The following ACOT13 variants were observed in gnomAD, a reference collection of about 807,000 sequenced individuals.
ACOT13 encodes acyl-coenzyme A thioesterase 13.
A neutral mutation model predicts 11.8 loss-of-function variants in ACOT13; 10 were observed. That is an observed-to-expected ratio of 0.85 (90% confidence interval 0.53 to 1.44). The LOEUF (loss-of-function observed/expected upper bound fraction) is 1.44, where lower values mean the gene tolerates loss of function less well. Ranked by LOEUF, ACOT13 falls within the 40% of genes most tolerant of loss-of-function variation. ACOT13 has a pLI of 0.00. For missense variants in ACOT13, 172 were observed against 174.1 expected (o/e 0.99, Z 0.07); for synonymous variants, 53 against 61.0 (o/e 0.87, Z 0.61).
At chr6:24,674,458 G>C (rs1433352333) in intron 1 of ACOT13, among the ~76,000 whole-genome samples, 1 of 152,154 alleles carries the variant, frequency 6.6e-6, no homozygotes, top group Non-Finnish European at 1.5e-5. Flanking sequence ...ACCCAGGCTG[G>C]AGTGCAGTTG....
intron 1 of ACOT13, among the ~76,000 whole-genome samples, chr6:24,690,071 G>A (rs1444830156): frequency 6.6e-6 from 1 of 152,138 alleles, no homozygotes. Flanking sequence ...CATCCTAGGA[G>A]TTCCAGGACT....
intron 1 of ACOT13, among the ~76,000 whole-genome samples, chr6:24,685,945 C>T (rs1202866513): frequency 6.6e-6 from 1 of 151,850 alleles, no homozygotes; most frequent in Non-Finnish European, 1.5e-5. Context: ...GTAATCCCAG[C>T]ACTTTGGGAG....
intron 1 of ACOT13, among the ~76,000 whole-genome samples, chr6:24,685,006 G>A (rs1778606485): frequency 6.6e-6 from 1 of 152,130 alleles, no homozygotes; most frequent in African/African-American, 2.4e-5. Flanking sequence ...GTGAGACCCT[G>A]TCTCTAAAAA....
At position 24,701,428 on chromosome 6, in the gene ACOT13, C is replaced by T. The variant is rs200529233; in HGVS notation, c.267-31C>T. 167 of 1,569,856 alleles carry T rather than the reference C, an allele frequency of 1.1e-4. 1 individual carries two copies. Among genetic ancestry groups the T allele is most frequent in the Admixed American group, 4.1e-4 (22 of 54,250 alleles). On this transcript the variant is annotated intron_variant, in intron 2 of 2. Transcript: ENST00000230048. ...CACAACTTTCCCTTTGAAAAATTATCTGCTGTTAACTATATTCATTTTCTT... is the reference window on the plus strand; with the variant it reads ...CACAACTTTCCCTTTGAAAAATTATTTGCTGTTAACTATATTCATTTTCTT...
chr6:24,678,630 G>A (rs184026645), intron 1 of ACOT13, among the ~76,000 whole-genome samples: 1 of 152,250 alleles, frequency 6.6e-6, no homozygotes, highest in Non-Finnish European at 1.5e-5. Context: ...CTCAAGCAGG[G>A]GAAAACAAAC....
intron 1 of ACOT13, among the ~76,000 whole-genome samples, chr6:24,680,296 T>C (rs1778526903): frequency 6.6e-6 from 1 of 152,166 alleles, no homozygotes; most frequent in Non-Finnish European, 1.5e-5. Context: ...GAGGATATCA[T>C]GGCCAGGCAG....
In ACOT13 at chr6:24,685,332, C is replaced by CTT. The variant is rs563020332; in HGVS notation, c.82-12520_82-12519dup. Among the ~76,000 whole-genome samples, 172 of 116,722 alleles carry CTT rather than the reference C, an allele frequency of 1.5e-3. 14 individuals are homozygous for CTT. Among genetic ancestry groups the CTT allele is most frequent in the Non-Finnish European group, 2.1e-3 (115 of 55,500 alleles). The allele number at this position is 116,722 out of a possible 152,430, so 76.6% of individuals were successfully genotyped here. A position where few individuals can be genotyped will look rare whatever the true frequency, so the allele number is the denominator to read the frequency against. On this transcript the variant is annotated intron_variant, in intron 1 of 2. Coordinates refer to ENST00000230048, the MANE Select transcript of ACOT13 (RefSeq NM_018473.4). The stretch of plus-strand genomic sequence containing the variant: ...ACATGGTCTCTTTCCTTTTACTGTA[C>CTT]TTTTTTTTTTTTTTTTTTTTTTTTT...
At chr6:24,676,915 T>C (rs1264626582) in intron 1 of ACOT13, among the ~76,000 whole-genome samples, 2 of 152,216 alleles carry the variant, frequency 1.3e-5, no homozygotes, top group Non-Finnish European at 2.9e-5. Flanking sequence ...CCTCTCTCCA[T>C]ATTGCTGCAT....
intron 1 of ACOT13, among the ~76,000 whole-genome samples, chr6:24,685,517 T>C (rs1346305945): frequency 1.3e-5 from 2 of 151,646 alleles, no homozygotes; most frequent in Non-Finnish European, 2.9e-5. Flanking sequence ...CGGCTAATTT[T>C]TTGTATTTTT....
intron 1 of ACOT13, among the ~76,000 whole-genome samples, chr6:24,684,422 G>T (rs1033018265): frequency 6.6e-6 from 1 of 152,172 alleles, no homozygotes; most frequent in Non-Finnish European, 1.5e-5. Context: ...GGGTTGGATT[G>T]CCTTTGAGTA....
chr6:24,686,537 T>TTTTTC (rs540312517), intron 1 of ACOT13, among the ~76,000 whole-genome samples: 1 of 146,212 alleles, frequency 6.8e-6, no homozygotes, highest in Admixed American at 6.7e-5. Flanking sequence ...CACACTCTTT[T>TTTTTC]TTTTCTTTTC....
rs182610339 is a variant in ACOT13, at chr6:24,689,318, G to A, written c.82-8565G>A. Among the ~76,000 whole-genome samples, 90 of 152,238 alleles carry A rather than the reference G, an allele frequency of 5.9e-4. 1 individual carries two copies. The highest frequency in any genetic ancestry group is 2.0e-3 in the African/African-American group (82 of 41,540). ...GATAAATTGTAGTATATTCATAGTA[G>A]GGAATACCACACAGCTATTGAAAGA... On this transcript the variant is annotated intron_variant, in intron 1 of 2. Coordinates refer to ENST00000230048, the MANE Select transcript of ACOT13 (RefSeq NM_018473.4).
intron 1 of ACOT13, among the ~76,000 whole-genome samples, chr6:24,672,657 C>G (rs1778382895): frequency 6.6e-6 from 1 of 151,952 alleles, no homozygotes; most frequent in South Asian, 2.1e-4. Context: ...GAAAAGAAAA[C>G]AAAAGATATA....
chr6:24,698,369 T>G (rs1242374496), intron 2 of ACOT13, among the ~76,000 whole-genome samples: 1 of 152,180 alleles, frequency 6.6e-6, no homozygotes, highest in African/African-American at 2.4e-5. Flanking sequence ...TGATGGCTCA[T>G]AACTGTTTCA....
intron 1 of ACOT13, among the ~76,000 whole-genome samples, chr6:24,689,008 T>C (rs2127626048): frequency 6.6e-6 from 1 of 152,288 alleles, no homozygotes; most frequent in South Asian, 2.1e-4. Context: ...GTCTGGCTAA[T>C]GCAAATTAAA....
intron 2 of ACOT13, among the ~76,000 whole-genome samples, chr6:24,698,874 G>C (rs1348651537): frequency 6.6e-6 from 1 of 152,098 alleles, no homozygotes; most frequent in Non-Finnish European, 1.5e-5. Flanking sequence ...CTGACCTCCA[G>C]TGTCCACCCA....
Position 24,682,870 on chromosome 6 carries a change from G to A in ACOT13, c.82-15013G>A, listed in dbSNP as rs377149667. On this transcript the variant is annotated intron_variant, in intron 1 of 2. Transcript: ENST00000230048. ...GAGGGTTGCTGTTGCCAGCTTGAACGCCTGGGTTTGTATCCCGATCCTTGT... is the reference window on the plus strand; with the variant it reads ...GAGGGTTGCTGTTGCCAGCTTGAACACCTGGGTTTGTATCCCGATCCTTGT... Among the ~76,000 whole-genome samples the A allele has an allele frequency of 4.5e-4, 69 of 152,334 alleles. No individual in the cohort carries two copies. The South Asian group carries it at 0.013, about 29-fold the overall frequency.
At chr6:24,669,920 C>T (rs1394088304) in intron 1 of ACOT13, among the ~76,000 whole-genome samples, 1 of 151,192 alleles carries the variant, frequency 6.6e-6, no homozygotes, top group Non-Finnish European at 1.5e-5. Flanking sequence ...TACAAAAGCA[C>T]AGCTGTTTTC....
chr6:24,700,582 C>T (rs1221927788), intron 2 of ACOT13, among the ~76,000 whole-genome samples: 1 of 151,956 alleles, frequency 6.6e-6, no homozygotes, highest in East Asian at 1.9e-4. Context: ...ATTACAGGTG[C>T]CCACCACCAT....
Sources: gnomAD v4.1 joint callset for allele counts (sites outside exome capture counted in the v4.1 genomes callset) on GRCh38, gnomAD v4.1.1 for gene constraint, MANE v1.5 for transcripts, NCBI Gene and HGNC (gene_info 2026-07-23, HGNC 2026-07-21) for gene names.